Variants in NXNL2 observed in about 807,000 individuals in gnomAD.
NXNL2 encodes the protein nucleoredoxin like 2.
NXNL2 carries 7 observed loss-of-function variants against 11.1 expected under a neutral mutation model. That is an observed-to-expected ratio of 0.63 (90% CI 0.36 to 1.18). NXNL2 has a LOEUF of 1.18. Ranked by LOEUF, NXNL2 falls within the 50% of genes most tolerant of loss-of-function variation. The pLI is 0.02. For synonymous variants in NXNL2, 109 were observed against 101.8 expected, an observed-to-expected ratio of 1.07 and a Z score of -0.42; for missense variants, 233 against 217.7, an observed-to-expected ratio of 1.07 and a Z score of -0.44.
intron 1 of NXNL2, among the ~76,000 whole-genome samples, chr9:88,583,269 T>C (rs1830429782): frequency 6.6e-6 from 1 of 152,264 alleles, no homozygotes; most frequent in Non-Finnish European, 1.5e-5. Context: ...ATGCGTGGCA[T>C]GCTCGTGGAG....
At chr9:88,551,685 G>A (rs1173148576) in intron 1 of NXNL2, among the ~76,000 whole-genome samples, 3 of 152,092 alleles carry the variant, frequency 2.0e-5, no homozygotes, top group Non-Finnish European at 4.4e-5. Context: ...GTTTATTTTG[G>A]GAGGGACTTA....
intron 1 of NXNL2, among the ~76,000 whole-genome samples, chr9:88,560,793 G>A (rs1042189058): frequency 2.6e-5 from 4 of 152,160 alleles, no homozygotes; most frequent in Non-Finnish European, 4.4e-5. Context: ...GCCTGGGAAT[G>A]TTGAACGTCA....
chr9:88,583,685 T>G (rs191022055), intron 1 of NXNL2, among the ~76,000 whole-genome samples: 232 of 152,324 alleles, frequency 1.5e-3, no homozygotes, highest in African/African-American at 5.2e-3. Flanking sequence ...CAAATTCATA[T>G]GTTGAAGCCC....
intron 2 of NXNL2, among the ~76,000 whole-genome samples, chr9:88,574,176 A>T (rs1830314717): frequency 6.6e-6 from 1 of 152,264 alleles, no homozygotes; most frequent in African/African-American, 2.4e-5. Flanking sequence ...ACAAATGTTC[A>T]TAGCAGTATT....
At chr9:88,568,806 C>T (rs945542960) in intron 1 of NXNL2, among the ~76,000 whole-genome samples, 1 of 152,166 alleles carries the variant, frequency 6.6e-6, no homozygotes. Flanking sequence ...CATGAATCCA[C>T]ATTTATTTCA....
chr9:88,542,572 G>A (rs779377526), intron 1 of NXNL2, among the ~76,000 whole-genome samples: 36 of 152,218 alleles, frequency 2.4e-4, no homozygotes, highest in Non-Finnish European at 4.1e-4. Flanking sequence ...ACAGGCATGT[G>A]CCACCCGCAC....
chr9:88,548,655 C>T (rs1325029482), downstream of NXNL2, among the ~76,000 whole-genome samples: 1 of 142,282 alleles, frequency 7.0e-6, no homozygotes, highest in Non-Finnish European at 1.5e-5. Context: ...TGCACTCCAG[C>T]CTGGGTAACA....
chr9:88,583,813 A>G (rs1830433795), intron 1 of NXNL2, among the ~76,000 whole-genome samples: 1 of 152,220 alleles, frequency 6.6e-6, no homozygotes, highest in South Asian at 2.1e-4. Context: ...AGGAAGAGAA[A>G]GAGCTTCTTT....
At chr9:88,550,411 G>A (rs1829914506) in intron 1 of NXNL2, among the ~76,000 whole-genome samples, 1 of 152,196 alleles carries the variant, frequency 6.6e-6, no homozygotes, top group Non-Finnish European at 1.5e-5. Context: ...TTTATTGTGA[G>A]GTGCCAACAA....
chr9:88,576,531 G>C (rs149079202), downstream of NXNL2, among the ~76,000 whole-genome samples: 530 of 152,310 alleles, frequency 3.5e-3, 7 homozygotes, highest in African/African-American at 0.012. Context: ...GAGGGAGAGA[G>C]ACTTCCAGTT....
In NXNL2 at chr9:88,535,506, G is replaced by A; in HGVS notation, c.72G>A (p.Leu24=). ...CGACGGTGGAGGCCGAGGCGGCGCT[G>A]CAGAACAAGGTGGTGGCACTGTACT... The part of the protein sequence containing the change: ...KGATVEAEAA[L]QNKVVALYFA... Residue 24 remains leucine (L), a synonymous_variant, in exon 1 of 2, where the codon CTG becomes CTA. Transcript: ENST00000375854. 2 of 1,610,190 alleles carry A rather than the reference G, an allele frequency of 1.2e-6. No homozygotes were observed. The highest frequency in any genetic ancestry group is 2.2e-5 in the East Asian group (1 of 44,802).
At chr9:88,578,645 C>T (rs1364865104), downstream of NXNL2, among the ~76,000 whole-genome samples, 1 of 152,212 alleles carries the variant, frequency 6.6e-6, no homozygotes, top group Non-Finnish European at 1.5e-5. Context: ...CCCGGCCTAC[C>T]AACTGCTCCA....
At chr9:88,546,577 G>A (rs952009145), downstream of NXNL2, among the ~76,000 whole-genome samples, 1 of 151,716 alleles carries the variant, frequency 6.6e-6, no homozygotes, top group Admixed American at 6.6e-5. Flanking sequence ...CACCAAGCCC[G>A]GCTAATTTTG....
At chr9:88,547,882 T>TG (rs1305695036), downstream of NXNL2, among the ~76,000 whole-genome samples, 4 of 150,502 alleles carry the variant, frequency 2.7e-5, 1 homozygote, top group East Asian at 7.9e-4. Context: ...CCAGGCATGG[T>TG]GGCGGGCACC....
intron 1 of NXNL2, among the ~76,000 whole-genome samples, chr9:88,581,455 A>G (rs1432836715): frequency 2.7e-5 from 4 of 148,500 alleles, no homozygotes; most frequent in Admixed American, 2.7e-4. Context: ...TTTTTTTGAG[A>G]TGGAGTTTCG....
chr9:88,566,751 AC>A (rs1239495623), intron 1 of NXNL2, among the ~76,000 whole-genome samples: 1 of 152,222 alleles, frequency 6.6e-6, no homozygotes, highest in Non-Finnish European at 1.5e-5. Flanking sequence ...TTTTCCCAAC[AC>A]CACTTACTGA....
intron 1 of NXNL2, among the ~76,000 whole-genome samples, chr9:88,539,161 G>T (rs1169708356): frequency 6.6e-6 from 1 of 152,190 alleles, no homozygotes; most frequent in East Asian, 1.9e-4. Flanking sequence ...CAGATCTTGG[G>T]CACTGCCCCA....
downstream of NXNL2, among the ~76,000 whole-genome samples, chr9:88,579,145 C>G (rs985556829): frequency 1.3e-5 from 2 of 152,196 alleles, no homozygotes; most frequent in Non-Finnish European, 2.9e-5. Context: ...GCCCTTTCCT[C>G]CTGTCTTCAC....
chr9:88,560,259 T>C (rs1009356187), intron 1 of NXNL2, among the ~76,000 whole-genome samples: 1 of 151,738 alleles, frequency 6.6e-6, no homozygotes, highest in African/African-American at 2.4e-5. Flanking sequence ...TCCCCTGAGA[T>C]CCTGTCATTG....
Sources: gnomAD v4.1 joint callset for allele counts (sites outside exome capture counted in the v4.1 genomes callset) on GRCh38, gnomAD v4.1.1 for gene constraint, MANE v1.5 for transcripts, NCBI Gene and HGNC (gene_info 2026-07-23, HGNC 2026-07-21) for gene names.